The following DSCAM variants were observed in gnomAD, a reference collection of about 807,000 sequenced individuals.
DSCAM encodes cell adhesion molecule DSCAM.
DSCAM carries 47 observed loss-of-function variants against 217.7 expected under a neutral mutation model. The ratio of observed to expected loss-of-function variants is 0.22; its 90% CI spans 0.17 to 0.28. The LOEUF is 0.28. DSCAM is among the 10% of genes least tolerant of loss of function. The probability of loss-of-function intolerance (pLI) is 1.00; values close to 1 mark genes in which losing one functional copy is unlikely to be tolerated. For synonymous variants in DSCAM, 1,056 were observed against 1,015.3 expected (o/e 1.04, Z -0.76); for missense variants, 2,080 against 2,618.3 (o/e 0.79, Z 4.49).
intron 3 of DSCAM, among the ~76,000 whole-genome samples, chr21:40,581,616 T>A (rs769025007): frequency 2.6e-5 from 4 of 152,158 alleles, no homozygotes; most frequent in Non-Finnish European, 5.9e-5. Flanking sequence ...GAGGTCAGCA[T>A]TGACATTTTT....
At chr21:40,102,550 G>C (rs1399135630) in intron 20 of DSCAM, among the ~76,000 whole-genome samples, 2 of 152,126 alleles carry the variant, frequency 1.3e-5, no homozygotes, top group Non-Finnish European at 2.9e-5. Context: ...GGAAAGCCTG[G>C]GAACAGCGTC....
intron 3 of DSCAM, among the ~76,000 whole-genome samples, chr21:40,522,842 T>C (rs1323053727): frequency 1.3e-5 from 2 of 152,210 alleles, no homozygotes. Flanking sequence ...AGCCTGGTAC[T>C]CAGGGCAGGG....
chr21:40,336,716 C>G (rs2074433004), intron 8 of DSCAM, among the ~76,000 whole-genome samples: 1 of 152,166 alleles, frequency 6.6e-6, no homozygotes, highest in Admixed American at 6.5e-5. Context: ...GTATGGAGTA[C>G]CATTAGGTGT....
At chr21:40,686,305 G>GCA (rs376379462) in intron 3 of DSCAM, among the ~76,000 whole-genome samples, 2 of 137,252 alleles carry the variant, frequency 1.5e-5, no homozygotes, top group African/African-American at 5.5e-5. Flanking sequence ...ACCATACACG[G>GCA]CACACACACA....
chr21:40,224,425 G>T (rs764856856), intron 11 of DSCAM, among the ~76,000 whole-genome samples: 1 of 152,152 alleles, frequency 6.6e-6, no homozygotes, highest in Non-Finnish European at 1.5e-5. Context: ...GCTCCTCTTT[G>T]AAAACAATTA....
At chr21:40,812,731 T>C (rs144807353) in intron 1 of DSCAM, among the ~76,000 whole-genome samples, 66 of 152,274 alleles carry the variant, frequency 4.3e-4, no homozygotes, top group African/African-American at 1.5e-3. Context: ...TTCTAGAAGA[T>C]GATGTAGAAT....
At chr21:40,417,742 A>T (rs758583634) in intron 3 of DSCAM, among the ~76,000 whole-genome samples, 2 of 152,230 alleles carry the variant, frequency 1.3e-5, no homozygotes, top group Non-Finnish European at 1.5e-5. Context: ...CTTAGTTAAT[A>T]TTAATCACAA....
intron 3 of DSCAM, among the ~76,000 whole-genome samples, chr21:40,500,886 C>T (rs987311846): frequency 2.6e-5 from 4 of 152,168 alleles, no homozygotes; most frequent in African/African-American, 9.7e-5. Flanking sequence ...AGGCAGCCAG[C>T]CTCCTGGGGC....
chr21:40,470,500 C>T (rs981057414), intron 3 of DSCAM, among the ~76,000 whole-genome samples: 1 of 152,228 alleles, frequency 6.6e-6, no homozygotes, highest in Non-Finnish European at 1.5e-5. Flanking sequence ...TTCAACTGAA[C>T]AGCATTTTGA....
intron 14 of DSCAM, among the ~76,000 whole-genome samples, chr21:40,180,025 G>A (rs1224868349): frequency 6.6e-6 from 1 of 152,214 alleles, no homozygotes; most frequent in Non-Finnish European, 1.5e-5. Context: ...AGTCTTCCAT[G>A]GATAATCTGA....
chr21:40,640,849 AC>A (rs2089868982), intron 3 of DSCAM, among the ~76,000 whole-genome samples: 1 of 149,310 alleles, frequency 6.7e-6, no homozygotes, highest in African/African-American at 2.5e-5. Flanking sequence ...ACACAAAAAC[AC>A]CACACGCACA....
intron 20 of DSCAM, among the ~76,000 whole-genome samples, chr21:40,097,995 A>G: frequency 7.0e-6 from 1 of 141,930 alleles, no homozygotes; most frequent in Non-Finnish European, 1.5e-5. Flanking sequence ...AGAAAGAAAG[A>G]AAGAAAGAAA....
chr21:40,484,816 G>A (rs939329318), intron 3 of DSCAM, among the ~76,000 whole-genome samples: 1 of 152,096 alleles, frequency 6.6e-6, no homozygotes, highest in African/African-American at 2.4e-5. Context: ...GCCACACAGC[G>A]CAAAGACTGA....
intron 1 of DSCAM, among the ~76,000 whole-genome samples, chr21:40,844,960 C>T (rs538866692): frequency 2.6e-5 from 4 of 152,180 alleles, no homozygotes; most frequent in Admixed American, 6.5e-5. Flanking sequence ...CCCTGACAGG[C>T]GAAACAGGGT....
intron 32 of DSCAM, among the ~76,000 whole-genome samples, chr21:40,017,694 G>GGC (rs1252784099): frequency 6.6e-6 from 1 of 151,994 alleles, no homozygotes; most frequent in Non-Finnish European, 1.5e-5. Flanking sequence ...TGGGATTACA[G>GGC]GCATGCACCA....
intron 12 of DSCAM, among the ~76,000 whole-genome samples, chr21:40,188,292 T>C (rs1037221690): frequency 2.6e-5 from 4 of 152,222 alleles, no homozygotes; most frequent in African/African-American, 9.6e-5. Flanking sequence ...GTAATTTATA[T>C]AAGATGTCGT....
At chr21:40,723,761 G>A (rs2090926892) in intron 1 of DSCAM, among the ~76,000 whole-genome samples, 1 of 152,046 alleles carries the variant, frequency 6.6e-6, no homozygotes, top group Admixed American at 6.6e-5. Flanking sequence ...TAGATATCAA[G>A]GGACCACAAG....
At chr21:40,264,978 C>G (rs1196455199) in intron 11 of DSCAM, among the ~76,000 whole-genome samples, 1 of 152,146 alleles carries the variant, frequency 6.6e-6, no homozygotes, top group Non-Finnish European at 1.5e-5. Flanking sequence ...CAACTGAGGT[C>G]AGGAGTTTGA....
At chr21:40,210,992 T>C (rs2091177067) in intron 11 of DSCAM, among the ~76,000 whole-genome samples, 1 of 152,226 alleles carries the variant, frequency 6.6e-6, no homozygotes, top group African/African-American at 2.4e-5. Context: ...CACAGAAGAA[T>C]TCCTTATTCC....
Sources: gnomAD v4.1 joint callset for allele counts (sites outside exome capture counted in the v4.1 genomes callset) on GRCh38, gnomAD v4.1.1 for gene constraint, MANE v1.5 for transcripts, NCBI Gene and HGNC (gene_info 2026-07-23, HGNC 2026-07-21) for gene names.